The following AGBL1 variants were observed in gnomAD, a reference collection of about 807,000 sequenced individuals.
AGBL1 encodes AGBL carboxypeptidase 1, also known as cytosolic carboxypeptidase 4.
A neutral mutation model predicts 118.9 loss-of-function variants in AGBL1; 130 were observed. That is an observed-to-expected ratio of 1.09 (90% confidence interval 0.95 to 1.26). The LOEUF is 1.26. Ranked by LOEUF, AGBL1 falls within the 50% of genes most tolerant of loss-of-function variation. AGBL1 has a pLI of 0.00. For missense variants in AGBL1, 1,584 were observed against 1,298.1 expected (o/e 1.22, Z -3.38); for synonymous variants, 555 against 478.9 (o/e 1.16, Z -2.08).
At chr15:86,210,297 G>A (rs908426959) in intron 5 of AGBL1, among the ~76,000 whole-genome samples, 1 of 151,890 alleles carries the variant, frequency 6.6e-6, no homozygotes, top group African/African-American at 2.4e-5. Flanking sequence ...TGTGTCTTGG[G>A]GTTGCTCTTC....
intron 1 of AGBL1, among the ~76,000 whole-genome samples, chr15:86,086,871 A>T (rs1161142658): frequency 6.6e-6 from 1 of 152,258 alleles, no homozygotes; most frequent in Non-Finnish European, 1.5e-5. Flanking sequence ...AGTTGGTGAT[A>T]TTTGGGGTAG....
At chr15:86,664,075 C>G (rs1422933297) in intron 21 of AGBL1, among the ~76,000 whole-genome samples, 1 of 152,120 alleles carries the variant, frequency 6.6e-6, no homozygotes, top group African/African-American at 2.4e-5. Context: ...AAGTCTAGCC[C>G]ACACCTTCAA....
chr15:86,670,967 T>C (rs553803052), intron 21 of AGBL1, among the ~76,000 whole-genome samples: 23 of 152,156 alleles, frequency 1.5e-4, no homozygotes, highest in Non-Finnish European at 2.6e-4. Context: ...TGTGCAGACA[T>C]AGGGACCTAT....
chr15:86,564,947 T>C (rs1249616997), intron 21 of AGBL1, among the ~76,000 whole-genome samples: 2 of 152,230 alleles, frequency 1.3e-5, no homozygotes, highest in East Asian at 3.9e-4. Context: ...TGTGCATCTG[T>C]CACATAGATC....
intron 23 of AGBL1, among the ~76,000 whole-genome samples, chr15:86,958,061 C>T (rs2080949954): frequency 1.3e-5 from 2 of 151,754 alleles, no homozygotes; most frequent in South Asian, 4.1e-4. Flanking sequence ...AAAAAATTAG[C>T]CGATTGTGTG....
At chr15:86,280,558 A>G (rs2079335407) in intron 16 of AGBL1, among the ~76,000 whole-genome samples, 1 of 152,226 alleles carries the variant, frequency 6.6e-6, no homozygotes, top group Non-Finnish European at 1.5e-5. Context: ...AATGAACTCC[A>G]GTATCTTCTA....
In AGBL1 at chr15:86,731,502, G is replaced by A. The variant is rs187753523; in HGVS notation, c.3158+57066G>A. Among the ~76,000 whole-genome samples the A allele has an allele frequency of 1.0e-3, 158 of 152,292 alleles. 1 individual carries two copies. The highest frequency in any genetic ancestry group is 6.8e-3 in the Middle Eastern group (2 of 294). ...AGTGGGATTTTAGCTGACGGTTCAGGTGATGATTTGCCAAGCAGCAAAGTC... is the reference window on the plus strand; with the variant it reads ...AGTGGGATTTTAGCTGACGGTTCAGATGATGATTTGCCAAGCAGCAAAGTC... On this transcript the variant is annotated intron_variant, in intron 22 of 22. Transcript: ENST00000614907.
intron 1 of AGBL1, among the ~76,000 whole-genome samples, chr15:86,090,321 A>G (rs916212183): frequency 6.6e-6 from 1 of 152,178 alleles, no homozygotes; most frequent in Non-Finnish European, 1.5e-5. Context: ...TTGTAAAAAA[A>G]TTTAATTAAT....
At chr15:86,208,294 G>A (rs2141877238) in intron 5 of AGBL1, among the ~76,000 whole-genome samples, 1 of 152,150 alleles carries the variant, frequency 6.6e-6, no homozygotes, top group Middle Eastern at 3.4e-3. Context: ...TTTTTGTTGT[G>A]TCTCTGCCAG....
intron 5 of AGBL1, among the ~76,000 whole-genome samples, chr15:86,224,528 C>T (rs989194645): frequency 6.6e-6 from 1 of 152,140 alleles, no homozygotes; most frequent in Admixed American, 6.5e-5. Context: ...CCCACTCCTT[C>T]CCAGACCATC....
intron 18 of AGBL1, among the ~76,000 whole-genome samples, chr15:86,467,243 C>T (rs968268524): frequency 1.1e-4 from 16 of 152,162 alleles, no homozygotes; most frequent in South Asian, 1.0e-3. Flanking sequence ...CCGCCCAGTC[C>T]GAACTTCCTG....
chr15:86,678,369 G>A (rs902582419), intron 22 of AGBL1, among the ~76,000 whole-genome samples: 1 of 152,044 alleles, frequency 6.6e-6, no homozygotes, highest in African/African-American at 2.4e-5. Context: ...AAAATGGGGT[G>A]CTGTTTTAAT....
chr15:86,098,141 C>G (rs1337569776), intron 1 of AGBL1, among the ~76,000 whole-genome samples: 1 of 151,992 alleles, frequency 6.6e-6, no homozygotes, highest in Non-Finnish European at 1.5e-5. Flanking sequence ...TATTCAAACC[C>G]TTTGCCCACT....
rs140258550 is a variant in AGBL1, at chr15:86,750,397, G to C, written c.3158+75961G>C. On this transcript the variant is annotated intron_variant, in intron 22 of 22. Coordinates refer to ENST00000614907, the MANE Select transcript of AGBL1 (RefSeq NM_001386094.1). ...ACATTTTATTTTTCAGCGAAAAATAGAACCTGGTAATTTCTGTATAACAAT... is the reference window on the plus strand; with the variant it reads ...ACATTTTATTTTTCAGCGAAAAATACAACCTGGTAATTTCTGTATAACAAT... Among the ~76,000 whole-genome samples the C allele has an allele frequency of 4.0e-5, 6 of 150,772 alleles. No homozygotes were observed. In the East Asian group the frequency reaches 1.2e-3, roughly 29 times the overall value.
At chr15:86,325,410 C>A (rs1172525426) in intron 17 of AGBL1, among the ~76,000 whole-genome samples, 3 of 152,078 alleles carry the variant, frequency 2.0e-5, no homozygotes, top group Non-Finnish European at 4.4e-5. Flanking sequence ...GTTTTAAGAG[C>A]ATGAGAAAAG....
At chr15:86,798,731 CG>C (rs1297643471) in intron 22 of AGBL1, among the ~76,000 whole-genome samples, 1 of 148,420 alleles carries the variant, frequency 6.7e-6, no homozygotes, top group Admixed American at 6.8e-5. Context: ...TATCCAGGAC[CG>C]GCAACTAGAT....
At chr15:86,474,836 G>C (rs149996757) in intron 18 of AGBL1, among the ~76,000 whole-genome samples, 1,627 of 152,314 alleles carry the variant, frequency 0.011, 28 homozygotes, top group African/African-American at 0.037. Flanking sequence ...AGTAGGGGCA[G>C]ACTGACACCT....
At chr15:86,988,303 T>G (rs1357886927) in intron 24 of AGBL1, 1 of 507,120 alleles carries the variant, frequency 2.0e-6, no homozygotes, top group Non-Finnish European at 3.5e-6. Context: ...ATACGATTAC[T>G]GGTTGTTCTG....
intron 5 of AGBL1, among the ~76,000 whole-genome samples, chr15:86,159,264 A>G (rs941297352): frequency 6.6e-6 from 1 of 152,138 alleles, no homozygotes; most frequent in Non-Finnish European, 1.5e-5. Context: ...TCAGACGAGC[A>G]AGTTAAAATA....
Sources: gnomAD v4.1 joint callset for allele counts (sites outside exome capture counted in the v4.1 genomes callset) on GRCh38, gnomAD v4.1.1 for gene constraint, MANE v1.5 for transcripts, NCBI Gene and HGNC (gene_info 2026-07-23, HGNC 2026-07-21) for gene names.